Variants in WRN observed in about 807,000 individuals in gnomAD.
WRN encodes bifunctional 3'-5' exonuclease/ATP-dependent helicase WRN.
In WRN, 149 loss-of-function variants were observed where a neutral mutation model predicts 180.7. That is an observed-to-expected ratio of 0.82 (90% confidence interval 0.72 to 0.94). The LOEUF is 0.94. Ranked by LOEUF, WRN falls within the 40% of genes least tolerant of loss-of-function variation. WRN has a pLI of 0.00. For missense variants in WRN, 1,661 were observed against 1,700.1 expected (o/e 0.98, Z 0.40); for synonymous variants, 548 against 568.9 (o/e 0.96, Z 0.52).
intron 26 of WRN, among the ~76,000 whole-genome samples, chr8:31,142,309 C>T (rs946968469): frequency 3.3e-5 from 5 of 151,922 alleles, no homozygotes; most frequent in Non-Finnish European, 7.4e-5. Context: ...TCTTTCTCAT[C>T]GATTAAAGAA....
At position 31,167,094 on chromosome 8, in the gene WRN, T is replaced by G. The variant is rs1060500065; in HGVS notation, c.4055T>G (p.Ile1352Ser). Residue 1352 changes from isoleucine to serine, a missense_variant, in exon 34 of 35, where the codon ATT (isoleucine) becomes AGT (serine). This residue lies in a region of WRN where 1,141 missense variants were observed against 1,149.4 expected (regional missense o/e 0.99). Coordinates refer to ENST00000298139, the MANE Select transcript of WRN (RefSeq NM_000553.6). ...GACACGTACCTTATCCACATGGCAA[T>G]TGAGATCCTTAAACATGGTCCTGAC... ...NIDTYLIHMA[I>S]EILKHGPDSG... 9 of 1,613,346 alleles carry G rather than the reference T, an allele frequency of 5.6e-6. No homozygotes were observed. Among genetic ancestry groups the G allele is most frequent in the Non-Finnish European group, 7.6e-6 (9 of 1,179,548 alleles).
chr8:31,111,863 G>A (rs2130285372), intron 19 of WRN, 64 bp downstream of exon 19: 4 of 1,547,862 alleles, frequency 2.6e-6, no homozygotes, highest in South Asian at 2.3e-5. Context: ...AACAACTTAT[G>A]TATTTTATGT....
rs1344419143 is a variant in WRN, at chr8:31,081,280, C to G, written c.1253C>G (p.Ala418Gly). ...QSQEEYLSDI[A>G]YKSTEHLSPN... ...CAGGAAGAATATCTTAGTGATATTGCTTATAAATCTACTGAGGTACTAAAT... is the reference window on the plus strand; with the variant it reads ...CAGGAAGAATATCTTAGTGATATTGGTTATAAATCTACTGAGGTACTAAAT... Residue 418 changes from alanine (A) to glycine (G), a missense_variant, in exon 9 of 35, where the codon GCT becomes GGT. Ala to Gly is a moderately conservative substitution (Grantham distance 60). This residue lies in a region of WRN where 500 missense variants were observed against 504.1 expected (regional missense o/e 0.99). Coordinates refer to ENST00000298139, the MANE Select transcript of WRN (RefSeq NM_000553.6). The G allele has an allele frequency of 6.2e-7, 1 of 1,613,342 alleles. No homozygotes were observed. Among genetic ancestry groups the G allele is most frequent in the South Asian group, 1.1e-5 (1 of 91,004 alleles).
intron 29 of WRN, 76 bp from the exon 30 acceptor site, chr8:31,147,288 T>C (rs889059328): frequency 2.1e-5 from 32 of 1,494,092 alleles, no homozygotes; most frequent in Non-Finnish European, 2.9e-5. Flanking sequence ...AAATGTGGTA[T>C]CTGAAGCTCT....
Position 31,117,302 on chromosome 8 carries a change from G to A in WRN, c.2448+774G>A, listed in dbSNP as rs369175878. ...GGGGTCTTATAATCCTTGGAGTGCC[G>A]CAGAATCATTTGAAAACCATCTTGA... On this transcript the variant is annotated intron_variant, in intron 20 of 34. Coordinates refer to ENST00000298139, the MANE Select transcript of WRN (RefSeq NM_000553.6). Among the ~76,000 whole-genome samples, 5 of 151,926 alleles carry A rather than the reference G, an allele frequency of 3.3e-5. 1 individual carries two copies. The South Asian group carries it at 1.0e-3, about 32-fold the overall frequency.
chr8:31,173,341 G>C lies in WRN; in HGVS notation c.*239G>C. 1 of 499,572 alleles carries C rather than the reference G, an allele frequency of 2.0e-6. No homozygotes were observed. The highest frequency in any genetic ancestry group is 2.3e-5 in the South Asian group (1 of 42,812). The allele number at this position is 499,572 out of a possible 1,614,324, so 30.9% of individuals were successfully genotyped here. ...GAATATTAAATTAGACTTCCTGTAA[G>C]ATTGCTTTAAGAAACTGTTACTGTC... On this transcript the variant is annotated 3_prime_UTR_variant, in exon 35 of 35. Coordinates refer to ENST00000298139, the MANE Select transcript of WRN (RefSeq NM_000553.6).
chr8:31,044,335 C>T (rs996508083), intron 1 of WRN, among the ~76,000 whole-genome samples: 17 of 141,732 alleles, frequency 1.2e-4, no homozygotes, highest in Non-Finnish European at 2.0e-4. Context: ...GCCGCTTGCC[C>T]GACCTTCTTT....
intron 2 of WRN, 57 bp downstream of exon 2, chr8:31,058,600 G>A (rs1812367103): frequency 4.6e-6 from 7 of 1,533,950 alleles, no homozygotes; most frequent in Non-Finnish European, 6.2e-6. Flanking sequence ...ATTTGACTGT[G>A]CAAAGAGTCA....
At chr8:31,054,135 A>G (rs1393053901) in intron 1 of WRN, among the ~76,000 whole-genome samples, 1 of 152,180 alleles carries the variant, frequency 6.6e-6, no homozygotes, top group African/African-American at 2.4e-5. Context: ...AAATATTGTT[A>G]AAAAGTCTTG....
At chr8:31,088,518 C>T (rs747718665) in intron 12 of WRN, among the ~76,000 whole-genome samples, 3 of 151,814 alleles carry the variant, frequency 2.0e-5, no homozygotes, top group East Asian at 1.9e-4. Context: ...TTTTTTAGTG[C>T]GGGACTAATG....
At chr8:31,056,475 A>G (rs1171836162) in intron 1 of WRN, among the ~76,000 whole-genome samples, 3 of 152,218 alleles carry the variant, frequency 2.0e-5, no homozygotes, top group Non-Finnish European at 4.4e-5. Flanking sequence ...TTTTCACTAC[A>G]TATGACGCAT....
chr8:31,138,032 A>T (rs1802466171), intron 24 of WRN, among the ~76,000 whole-genome samples: 2 of 151,850 alleles, frequency 1.3e-5, no homozygotes, highest in African/African-American at 4.8e-5. Flanking sequence ...AGTCCAGGAG[A>T]TTGAGGCTAC....
chr8:31,108,880 C>G (rs910389624), intron 18 of WRN, among the ~76,000 whole-genome samples: 1 of 152,164 alleles, frequency 6.6e-6, no homozygotes, highest in Non-Finnish European at 1.5e-5. Flanking sequence ...CAAGCCTAAG[C>G]CCAAGCTCAA....
Position 31,174,793 on chromosome 8 carries a change from TC to T in WRN, c.*1695del, listed in dbSNP as rs1319864957. Among the ~76,000 whole-genome samples, 16 of 49,122 alleles carry T rather than the reference TC, an allele frequency of 3.3e-4. No individual in the cohort carries two copies. The highest frequency in any genetic ancestry group is 8.4e-4 in the African/African-American group (14 of 16,748). The allele number at this position is 49,122 out of a possible 152,430, so 32.2% of individuals were successfully genotyped here. A position where few individuals can be genotyped will look rare whatever the true frequency, so the allele number is the denominator to read the frequency against. On this transcript the variant is annotated 3_prime_UTR_variant, in exon 35 of 35. Transcript: ENST00000298139. The stretch of plus-strand genomic sequence containing the variant: ...CTCTCTTTCCTTCCTTCCCTTCCCT[TC>T]CCCTTCCTTCCTTCCTTCCTTCCTT...
intron 1 of WRN, among the ~76,000 whole-genome samples, chr8:31,038,529 T>C (rs1811531520): frequency 1.3e-5 from 2 of 152,182 alleles, no homozygotes; most frequent in African/African-American, 4.8e-5. Flanking sequence ...TCTTCACTTT[T>C]TGATATTGTT....
intron 16 of WRN, 44 bp downstream of exon 16, chr8:31,091,942 G>A: frequency 1.3e-6 from 2 of 1,571,756 alleles, no homozygotes; most frequent in Non-Finnish European, 1.7e-6. Flanking sequence ...GATTTATGGG[G>A]GTGCATATGC....
chr8:31,116,656 T>C (rs775691740), intron 20 of WRN, 128 bp downstream of exon 20: 23 of 1,318,018 alleles, frequency 1.7e-5, no homozygotes, highest in Non-Finnish European at 2.4e-5. Context: ...CTCTGATAAA[T>C]GTGGGAGAAC....
At chr8:31,097,837 T>C (rs11574267) in intron 17 of WRN, among the ~76,000 whole-genome samples, 262 of 152,292 alleles carry the variant, frequency 1.7e-3, no homozygotes, top group Middle Eastern at 6.8e-3. Flanking sequence ...ATTGCAATCA[T>C]GGCTTCTATT....
At chr8:31,082,300 A>G (rs1192404201) in intron 9 of WRN, among the ~76,000 whole-genome samples, 1 of 152,206 alleles carries the variant, frequency 6.6e-6, no homozygotes, top group Non-Finnish European at 1.5e-5. Flanking sequence ...AGATTTGACC[A>G]TTTAATTAGA....
Sources: gnomAD v4.1 joint callset for allele counts (sites outside exome capture counted in the v4.1 genomes callset) on GRCh38, gnomAD v4.1.1 for gene constraint, gnomAD v4.1.1 regional missense constraint, MANE v1.5 for transcripts, NCBI Gene and HGNC (gene_info 2026-07-23, HGNC 2026-07-21) for gene names.